Variants in EMP2 observed in about 807,000 individuals in gnomAD.
The protein encoded by EMP2 is epithelial membrane protein 2.
In EMP2, 19 loss-of-function variants were observed where a neutral mutation model predicts 13.7. The observed-to-expected ratio is 1.38, with a 90% CI of 0.97 to 2.03. EMP2 has a LOEUF of 2.03. EMP2 is among the 30% of genes most tolerant of loss of function. The probability of loss-of-function intolerance (pLI) is 0.00; values close to 1 mark genes in which losing one functional copy is unlikely to be tolerated. For missense variants in EMP2, 253 were observed against 220.7 expected, an observed-to-expected ratio of 1.15 and a Z score of -0.93; for synonymous variants, 97 against 84.7, an observed-to-expected ratio of 1.15 and a Z score of -0.80.
At chr16:10,569,744 A>G (rs2050934118) in intron 1 of EMP2, among the ~76,000 whole-genome samples, 1 of 152,246 alleles carries the variant, frequency 6.6e-6, no homozygotes, top group Non-Finnish European at 1.5e-5. Context: ...CCTGTATGCT[A>G]CAGGAGTCAT....
At chr16:10,551,846 A>T (rs1277591251) in intron 1 of EMP2, among the ~76,000 whole-genome samples, 2 of 151,836 alleles carry the variant, frequency 1.3e-5, no homozygotes, top group South Asian at 4.2e-4. Flanking sequence ...CATCCCCATT[A>T]TCCCCCCACG....
intron 3 of EMP2, among the ~76,000 whole-genome samples, chr16:10,540,335 G>A (rs916556542): frequency 2.2e-4 from 33 of 152,164 alleles, no homozygotes; most frequent in African/African-American, 8.0e-4. Context: ...GCAAAACCCT[G>A]TCTCTACTAA....
chr16:10,550,790 C>G (rs142759720), intron 1 of EMP2, among the ~76,000 whole-genome samples: 2 of 152,126 alleles, frequency 1.3e-5, no homozygotes, highest in African/African-American at 4.8e-5. Flanking sequence ...GCCTGGCCAA[C>G]GTAGTGAAAC....
chr16:10,548,655 C>T (rs1398546060), intron 1 of EMP2, among the ~76,000 whole-genome samples: 1 of 152,062 alleles, frequency 6.6e-6, no homozygotes, highest in Admixed American at 6.6e-5. Context: ...GATCTCATCA[C>T]TGCACACTAG....
At chr16:10,549,948 C>A (rs1211024489) in intron 1 of EMP2, among the ~76,000 whole-genome samples, 1 of 132,704 alleles carries the variant, frequency 7.5e-6, no homozygotes, top group Admixed American at 9.1e-5. Context: ...TACAGTGGTG[C>A]GATCTCAGCC....
At chr16:10,566,617 A>C (rs2050908492) in intron 1 of EMP2, among the ~76,000 whole-genome samples, 1 of 152,192 alleles carries the variant, frequency 6.6e-6, no homozygotes, top group Non-Finnish European at 1.5e-5. Context: ...AACAGCATTA[A>C]ACAGGGATCT....
chr16:10,566,713 G>T (rs185194742), intron 1 of EMP2, among the ~76,000 whole-genome samples: 1 of 152,184 alleles, frequency 6.6e-6, no homozygotes, highest in Non-Finnish European at 1.5e-5. Context: ...AAGAGGTGGG[G>T]CGTGTGTGTC....
At chr16:10,573,585 C>T (rs1003154613) in intron 1 of EMP2, among the ~76,000 whole-genome samples, 1 of 152,184 alleles carries the variant, frequency 6.6e-6, no homozygotes, top group African/African-American at 2.4e-5. Flanking sequence ...CCTGCACAAC[C>T]TCCATTGCTT....
intron 3 of EMP2, among the ~76,000 whole-genome samples, chr16:10,542,915 G>A (rs773190132): frequency 2.0e-5 from 3 of 152,196 alleles, no homozygotes; most frequent in Admixed American, 6.5e-5. Flanking sequence ...GCGTGATCTC[G>A]GCTCACCGCA....
At chr16:10,553,283 C>A (rs1340633039) in intron 1 of EMP2, among the ~76,000 whole-genome samples, 1 of 152,254 alleles carries the variant, frequency 6.6e-6, no homozygotes, top group South Asian at 2.1e-4. Flanking sequence ...GTTTCCTGTG[C>A]CTCCTTCCAG....
chr16:10,548,089 C>T (rs2050753844), intron 1 of EMP2, among the ~76,000 whole-genome samples: 1 of 152,132 alleles, frequency 6.6e-6, no homozygotes, highest in African/African-American at 2.4e-5. Flanking sequence ...ACAGTGCTCC[C>T]CATCTTTACT....
At chr16:10,550,172 C>T (rs2050775668) in intron 1 of EMP2, among the ~76,000 whole-genome samples, 1 of 152,162 alleles carries the variant, frequency 6.6e-6, no homozygotes, top group Admixed American at 6.5e-5. Context: ...AGGCGTGAGC[C>T]ACCGCACCTG....
Position 10,531,900 on chromosome 16 carries a change from G to GC in EMP2, c.*1004dup, listed in dbSNP as rs528101599. ...CCTTCTGGGATAAGATGGGAAGGAG[G>GC]CTGTACCCCACACCCTGAAGGTGTC... is the stretch of plus-strand genomic sequence containing the variant. On this transcript the variant is annotated 3_prime_UTR_variant, in exon 5 of 5. Transcript: ENST00000359543. The GC allele has an allele frequency of 3.4e-3, 524 of 154,954 alleles. 5 individuals carry two copies. The highest frequency in any genetic ancestry group is 0.012 in the African/African-American group (491 of 41,626). The allele number at this position is 154,954 out of a possible 1,614,324, so 9.6% of individuals were successfully genotyped here. A position where few individuals can be genotyped will look rare whatever the true frequency, so the allele number is the denominator to read the frequency against.
chr16:10,539,999 G>C (rs1214619656), intron 3 of EMP2, among the ~76,000 whole-genome samples: 1 of 152,118 alleles, frequency 6.6e-6, no homozygotes, highest in Admixed American at 6.6e-5. Context: ...TGTATTTTCA[G>C]CAACAAGTGA....
At chr16:10,553,340 T>G (rs528434660) in intron 1 of EMP2, among the ~76,000 whole-genome samples, 2 of 152,340 alleles carry the variant, frequency 1.3e-5, no homozygotes, top group South Asian at 2.1e-4. Flanking sequence ...CGTTTCCGTG[T>G]GGCGGTAGCC....
intron 1 of EMP2, among the ~76,000 whole-genome samples, chr16:10,575,583 C>A (rs974213582): frequency 6.6e-5 from 10 of 151,972 alleles, no homozygotes; most frequent in Non-Finnish European, 4.4e-5. Context: ...TAGATGATAA[C>A]CTCCTCTGAA....
chr16:10,557,024 G>A (rs1483458942), intron 1 of EMP2, among the ~76,000 whole-genome samples: 1 of 152,104 alleles, frequency 6.6e-6, no homozygotes, highest in Non-Finnish European at 1.5e-5. Context: ...CGCTAAGGTT[G>A]AGGGATGACT....
At chr16:10,539,344 T>C (rs1229564847) in intron 3 of EMP2, among the ~76,000 whole-genome samples, 2 of 152,226 alleles carry the variant, frequency 1.3e-5, no homozygotes, top group Non-Finnish European at 1.5e-5. Context: ...TCTAGAGCTG[T>C]GGATTTAATC....
intron 3 of EMP2, among the ~76,000 whole-genome samples, chr16:10,542,323 G>A (rs139274049): frequency 3.9e-5 from 6 of 152,174 alleles, no homozygotes; most frequent in Admixed American, 6.5e-5. Context: ...ACTTGAGCCC[G>A]GGAGGTCAAG....
Sources: gnomAD v4.1 joint callset for allele counts (sites outside exome capture counted in the v4.1 genomes callset) on GRCh38, gnomAD v4.1.1 for gene constraint, MANE v1.5 for transcripts, NCBI Gene and HGNC (gene_info 2026-07-23, HGNC 2026-07-21) for gene names.